The following PRCD variants were observed in gnomAD, a reference collection of about 807,000 sequenced individuals.
PRCD encodes photoreceptor disk component PRCD.
Under a neutral mutation model 10.1 loss-of-function variants are expected in PRCD, and 12 were observed. The observed-to-expected ratio is 1.18, with a 90% CI of 0.76 to 1.92. PRCD has a LOEUF of 1.92. PRCD is among the 40% of genes most tolerant of loss of function. The pLI is 0.00. For missense variants in PRCD, 61 were observed against 72.2 expected (o/e 0.84, Z 0.56); for synonymous variants, 31 against 26.2 (o/e 1.18, Z -0.56).
In PRCD at chr17:76,528,131, T is replaced by C. The variant is rs2074788867; in HGVS notation, n.45+298T>C. On this transcript the variant is annotated intron_variant and non_coding_transcript_variant, in intron 1 of 4. Transcript: ENST00000397633. The surrounding 1 kb of genome is among the most constrained non-coding windows in gnomAD (Gnocchi z 5.8). ...AGATATGTATGTGTGTATATATATA[T>C]GTATATATATATTTATATATAGCTC... 3.0e-6 allele frequency: 1 copy of C among 328,862 alleles called. No individual in the cohort carries two copies. Among genetic ancestry groups the C allele is most frequent in the Non-Finnish European group, 5.4e-6 (1 of 186,318 alleles). The allele number at this position is 328,862 out of a possible 1,614,324, so 20.4% of individuals were successfully genotyped here.
Position 76,543,978 on chromosome 17 carries a change from G to A in PRCD, c.*328G>A. 2.2e-6 allele frequency: 1 copy of A among 462,790 alleles called. No individual in the cohort carries two copies. The highest frequency in any genetic ancestry group is 4.4e-6 in the Non-Finnish European group (1 of 227,024). 28.7% of individuals were successfully genotyped at this position (462,790 alleles called of 1,614,324 possible). On this transcript the variant is annotated 3_prime_UTR_variant, in exon 5 of 5. Coordinates refer to ENST00000592014, the MANE Select transcript of PRCD (RefSeq NM_001077620.3). ...GTTCCAAACGGGCAGTAGCGTGTGG[G>A]AAGGAAAAAGCCTGACACTTGTTTT... is the stretch of plus-strand genomic sequence containing the variant.
In PRCD at chr17:76,530,323, C is replaced by T. The variant is rs537498737; in HGVS notation, n.45+2490C>T. On this transcript the variant is annotated intron_variant and non_coding_transcript_variant, in intron 1 of 4. Transcript: ENST00000397633. The surrounding 1 kb of genome is among the most constrained non-coding windows in gnomAD (Gnocchi z 6.1). ...GGGGGCTAGCCCTCCCCTCACGCTCCGAGTCAGCAGGAGTCACAGAGGGCG... is the reference window on the plus strand; with the variant it reads ...GGGGGCTAGCCCTCCCCTCACGCTCTGAGTCAGCAGGAGTCACAGAGGGCG... 3.3e-5 allele frequency among the ~76,000 whole-genome samples: 5 copies of T among 152,200 alleles called. No individual in the cohort carries two copies. Among genetic ancestry groups the T allele is most frequent in the East Asian group, 1.9e-4 (1 of 5,166 alleles).
chr17:76,534,368 G>A (rs576428458), intron 1 of PRCD, among the ~76,000 whole-genome samples: 6 of 152,206 alleles, frequency 3.9e-5, no homozygotes, highest in African/African-American at 1.4e-4. Context: ...TAGTAGAGAC[G>A]GGGTTTCGCC....
At position 76,529,124 on chromosome 17, in the gene PRCD, C is replaced by G. The variant is rs562682385; in HGVS notation, n.45+1291C>G. On this transcript the variant is annotated intron_variant and non_coding_transcript_variant, in intron 1 of 4. Coordinates refer to the PRCD transcript ENST00000397633. The stretch of plus-strand genomic sequence containing the variant: ...TCAATAAACAGTGGCGCCTGGCCCA[C>G]CCCTGCTTCCCTGATAAGAGAAGTT... 39 of 984,790 alleles carry G rather than the reference C, an allele frequency of 4.0e-5. No homozygotes were observed. The East Asian group carries it at 4.1e-3, about 104-fold the overall frequency. The allele number at this position is 984,790 out of a possible 1,614,324, so 61.0% of individuals were successfully genotyped here.
At chr17:76,537,654 G>T (rs1400041689), upstream of PRCD, 3 of 933,846 alleles carry the variant, frequency 3.2e-6, no homozygotes, top group Non-Finnish European at 3.8e-6. Flanking sequence ...GCGGGCGGGC[G>T]AGGGGTAGAG....
upstream of PRCD, among the ~76,000 whole-genome samples, chr17:76,536,369 C>T (rs953687460): frequency 6.6e-6 from 1 of 152,240 alleles, no homozygotes; most frequent in African/African-American, 2.4e-5. Flanking sequence ...CCTTCCAGAG[C>T]GAGGCTTCAC....
At chr17:76,539,177 C>G (rs1471042020), upstream of PRCD, among the ~76,000 whole-genome samples, 2 of 152,204 alleles carry the variant, frequency 1.3e-5, no homozygotes, top group Non-Finnish European at 2.9e-5. Context: ...AGACCCATGT[C>G]TCAGCGTGGC....
At position 76,531,831 on chromosome 17, in the gene PRCD, T is replaced by G; in HGVS notation, n.45+3998T>G. 1 of 690,354 alleles carries G rather than the reference T, an allele frequency of 1.4e-6. No individual in the cohort carries two copies. 42.8% of individuals were successfully genotyped at this position (690,354 alleles called of 1,614,324 possible). ...CCGTCACTGTTTTCACTACCATCAGTAGACCTCAGCATAGACCCTCCTCCC... is the reference window on the plus strand; with the variant it reads ...CCGTCACTGTTTTCACTACCATCAGGAGACCTCAGCATAGACCCTCCTCCC... On this transcript the variant is annotated intron_variant and non_coding_transcript_variant, in intron 1 of 4. Coordinates refer to the PRCD transcript ENST00000397633. The surrounding 1 kb of genome is among the most constrained non-coding windows in gnomAD (Gnocchi z 7.4).
At chr17:76,532,478 C>T (rs918057705) in intron 1 of PRCD, among the ~76,000 whole-genome samples, 3 of 152,020 alleles carry the variant, frequency 2.0e-5, no homozygotes, top group Non-Finnish European at 4.4e-5. Context: ...TCTCACGCAC[C>T]CTCTGACCCC....
At position 76,533,878 on chromosome 17, in the gene PRCD, A is replaced by G. The variant is rs2074879682; in HGVS notation, n.45+6045A>G. ...GATCCTGTCTCCAGAAAAAAAGAAA[A>G]AAATTGGCTGGGTGTGGTGGTGCCC... On this transcript the variant is annotated intron_variant and non_coding_transcript_variant, in intron 1 of 4. Coordinates refer to the PRCD transcript ENST00000397633. This position sits in a 1 kb window ranked among gnomAD's most constrained non-coding sequence, Gnocchi z 4.5. Among the ~76,000 whole-genome samples, 1 of 152,064 alleles carries G rather than the reference A, an allele frequency of 6.6e-6. No homozygotes were observed. Among genetic ancestry groups the G allele is most frequent in the Non-Finnish European group, 1.5e-5 (1 of 68,018 alleles).
rs2074982815 is a variant in PRCD at position 76,540,771 on chromosome 17, C to T, written c.143+198C>T. On this transcript the variant is annotated intron_variant, in intron 2 of 4. Coordinates refer to ENST00000592014, the MANE Select transcript of PRCD (RefSeq NM_001077620.3). The surrounding 1 kb of genome is among the most constrained non-coding windows in gnomAD (Gnocchi z 5.0). ...TTCTGCGGTTGGGAATGGGAACCCT[C>T]AGCTCGCTCCTCTGGACCAAAGCCG... Among the ~76,000 whole-genome samples the T allele has an allele frequency of 6.6e-6, 1 of 152,226 alleles. No individual in the cohort carries two copies. Among genetic ancestry groups the T allele is most frequent in the Non-Finnish European group, 1.5e-5 (1 of 68,032 alleles).
At position 76,531,387 on chromosome 17, in the gene PRCD, C is replaced by T. The variant is rs979998187; in HGVS notation, n.45+3554C>T. ...CACCTCTGTTGCTCCAGAGAGCCGT[C>T]GCAGAGCCTGCGAGCTGCAGATGGC... On this transcript the variant is annotated intron_variant and non_coding_transcript_variant, in intron 1 of 4. Coordinates refer to the PRCD transcript ENST00000397633. The surrounding 1 kb of genome is among the most constrained non-coding windows in gnomAD (Gnocchi z 7.4). 77 of 1,534,024 alleles carry T rather than the reference C, an allele frequency of 5.0e-5. No individual in the cohort carries two copies. The highest frequency in any genetic ancestry group is 4.6e-4 in the African/African-American group (34 of 73,500).
At chr17:76,536,363 C>G (rs2074913787), upstream of PRCD, among the ~76,000 whole-genome samples, 1 of 152,130 alleles carries the variant, frequency 6.6e-6, no homozygotes, top group South Asian at 2.1e-4. Context: ...AGCTGCCCTT[C>G]CAGAGCGAGG....
intron 1 of PRCD, chr17:76,529,207 G>C (rs942770298): frequency 1.0e-6 from 1 of 985,412 alleles, no homozygotes; most frequent in African/African-American, 1.7e-5. Context: ...GAGCCCATGG[G>C]GACCCTGGCA....
In PRCD at chr17:76,543,974, G is replaced by T; in HGVS notation, c.*324G>T. The T allele has an allele frequency of 2.2e-6, 1 of 464,150 alleles. No individual in the cohort carries two copies. The highest frequency in any genetic ancestry group is 4.4e-6 in the Non-Finnish European group (1 of 227,022). 28.8% of individuals were successfully genotyped at this position (464,150 alleles called of 1,614,324 possible). On this transcript the variant is annotated 3_prime_UTR_variant, in exon 5 of 5. Transcript: ENST00000592014. ...GTGTGTTCCAAACGGGCAGTAGCGT[G>T]TGGGAAGGAAAAAGCCTGACACTTG...
upstream of PRCD, among the ~76,000 whole-genome samples, chr17:76,536,271 C>G (rs1186741130): frequency 6.6e-6 from 1 of 152,162 alleles, no homozygotes; most frequent in Non-Finnish European, 1.5e-5. Flanking sequence ...CATGGTGGAG[C>G]TGGGTCGGTC....
At chr17:76,542,446 C>A in intron 2 of PRCD, 107 bp from the exon 3 acceptor site, 3 of 1,327,564 alleles carry the variant, frequency 2.3e-6, no homozygotes, top group Non-Finnish European at 3.3e-6. Flanking sequence ...TCCTGCCCCT[C>A]AATATTGGGG....
downstream of PRCD, chr17:76,546,970 CT>C (rs2075059131): frequency 6.6e-6 from 1 of 152,218 alleles, no homozygotes; most frequent in Admixed American, 6.5e-5. The surrounding 1 kb of genome is among the most constrained non-coding windows in gnomAD (Gnocchi z 4.5). Flanking sequence ...GGGCCCAAGT[CT>C]CGAGTTGGGG....
rs575651772 is a variant in PRCD, at chr17:76,540,328, G to A, written c.74+113G>A. 1.5e-6 allele frequency: 2 copies of A among 1,368,382 alleles called. No individual in the cohort carries two copies. The highest frequency in any genetic ancestry group is 2.0e-6 in the Non-Finnish European group (2 of 979,972). The allele number at this position is 1,368,382 out of a possible 1,614,324, so 84.8% of individuals were successfully genotyped here. A position where few individuals can be genotyped will look rare whatever the true frequency, so the allele number is the denominator to read the frequency against. Reference sequence around the variant, plus strand: ...GCTGCGTGAACCTTCAGCGGGGCTGGGAGGGCATTTTGAGGAACCCTTGAG... The same window carrying A: ...GCTGCGTGAACCTTCAGCGGGGCTGAGAGGGCATTTTGAGGAACCCTTGAG... On this transcript the variant is annotated intron_variant, in intron 1 of 4. Coordinates refer to ENST00000592014, the MANE Select transcript of PRCD (RefSeq NM_001077620.3). The surrounding 1 kb of genome is among the most constrained non-coding windows in gnomAD (Gnocchi z 5.0).
Sources: gnomAD v4.1 joint callset for allele counts (sites outside exome capture counted in the v4.1 genomes callset) on GRCh38, gnomAD v4.1.1 for gene constraint, Gnocchi (gnomAD v3.1) non-coding constraint, MANE v1.5 for transcripts, NCBI Gene and HGNC (gene_info 2026-07-23, HGNC 2026-07-21) for gene names.